SUPT3H: variants seen among roughly 807,000 people sequenced by gnomAD.
SUPT3H encodes SPT3 homolog, SAGA and STAGA complex component, also known as transcription initiation protein SPT3 homolog.
SUPT3H carries 44 observed loss-of-function variants against 44.3 expected under a neutral mutation model. That is an observed-to-expected ratio of 0.99 (90% CI 0.78 to 1.28). The LOEUF (loss-of-function observed/expected upper bound fraction) is 1.28, where lower values mean the gene tolerates loss of function less well. Among genes scored for constraint, SUPT3H ranks in the 50% most tolerant of loss-of-function variants. The pLI, the probability that SUPT3H is intolerant of heterozygous loss-of-function variation, is 0.00. For missense variants in SUPT3H, 380 were observed against 387.1 expected, an observed-to-expected ratio of 0.98 and a Z score of 0.15; for synonymous variants, 124 against 125.6, an observed-to-expected ratio of 0.99 and a Z score of 0.09.
rs568632305 is a variant in SUPT3H at position 45,070,730 on chromosome 6, T to C, written c.186+35192A>G. ...AGCCTGGGTAATAAGAGCAAAACTC[T>C]GTCTCAAACAAAAAAAAAAAAAAAA... On this transcript the variant is annotated intron_variant, in intron 3 of 10. Transcript: ENST00000371459. 3.0e-4 allele frequency among the ~76,000 whole-genome samples: 33 copies of C among 109,818 alleles called. 1 individual carries two copies. Among genetic ancestry groups the C allele is most frequent in the African/African-American group, 1.1e-3 (28 of 26,628 alleles). 72.0% of individuals were successfully genotyped at this position (109,818 alleles called of 152,430 possible).
chr6:44,939,227 T>C (rs1257136100), intron 9 of SUPT3H, among the ~76,000 whole-genome samples: 1 of 152,150 alleles, frequency 6.6e-6, no homozygotes, highest in African/African-American at 2.4e-5. Flanking sequence ...CCTTTACTAC[T>C]GTGAGGTATA....
chr6:45,346,630 C>T (rs555034222), intron 2 of SUPT3H, among the ~76,000 whole-genome samples: 2 of 148,400 alleles, frequency 1.3e-5, no homozygotes, highest in South Asian at 2.1e-4. Context: ...TGCAGTGGTG[C>T]GATCTCGGCT....
intron 10 of SUPT3H, among the ~76,000 whole-genome samples, chr6:44,830,062 T>G (rs1768348819): frequency 6.6e-6 from 1 of 152,200 alleles, no homozygotes; most frequent in Admixed American, 6.5e-5. Flanking sequence ...AAGTGGTTAG[T>G]GATTCTATTT....
At chr6:45,005,238 A>G (rs1355890938) in intron 5 of SUPT3H, among the ~76,000 whole-genome samples, 1 of 152,212 alleles carries the variant, frequency 6.6e-6, no homozygotes, top group African/African-American at 2.4e-5. Flanking sequence ...TAATGAATCT[A>G]AACATGTTTT....
intron 10 of SUPT3H, among the ~76,000 whole-genome samples, chr6:44,897,871 C>T (rs745631893): frequency 2.0e-5 from 3 of 152,196 alleles, no homozygotes; most frequent in South Asian, 2.1e-4. Context: ...CATCTACTAT[C>T]GTCCTGTCAA....
At chr6:45,029,688 A>G (rs1486174234) in intron 3 of SUPT3H, among the ~76,000 whole-genome samples, 1 of 152,216 alleles carries the variant, frequency 6.6e-6, no homozygotes, top group African/African-American at 2.4e-5. Flanking sequence ...GAAATTTTTA[A>G]AAGTTGAAAT....
chr6:44,969,500 G>C (rs1777255669), intron 6 of SUPT3H, among the ~76,000 whole-genome samples: 2 of 151,874 alleles, frequency 1.3e-5, no homozygotes, highest in South Asian at 4.2e-4. Flanking sequence ...TGACTTACAG[G>C]AAGTCATTAA....
At chr6:45,305,223 T>C (rs1432790318) in intron 2 of SUPT3H, among the ~76,000 whole-genome samples, 1 of 152,222 alleles carries the variant, frequency 6.6e-6, no homozygotes, top group African/African-American at 2.4e-5. Flanking sequence ...TGTTTCCATA[T>C]TACCGGAACA....
intron 2 of SUPT3H, among the ~76,000 whole-genome samples, chr6:45,297,491 A>T (rs982056237): frequency 6.6e-6 from 1 of 152,240 alleles, no homozygotes; most frequent in African/African-American, 2.4e-5. Flanking sequence ...TATTTTAAAC[A>T]CTAGGAGTCC....
At chr6:45,107,858 C>T (rs1562473892) in intron 2 of SUPT3H, among the ~76,000 whole-genome samples, 1 of 152,142 alleles carries the variant, frequency 6.6e-6, no homozygotes, top group Non-Finnish European at 1.5e-5. Context: ...AAATAAGTAT[C>T]TATTAACTAT....
intron 2 of SUPT3H, among the ~76,000 whole-genome samples, chr6:45,142,176 T>C (rs1270611715): frequency 1.3e-5 from 2 of 152,098 alleles, no homozygotes; most frequent in Non-Finnish European, 2.9e-5. Context: ...AAAGATAAAG[T>C]CTTTTTCAGG....
chr6:44,957,494 G>A (rs1775384496), intron 7 of SUPT3H, among the ~76,000 whole-genome samples: 1 of 152,072 alleles, frequency 6.6e-6, no homozygotes, highest in Non-Finnish European at 1.5e-5. Context: ...AATTTGGCAA[G>A]ATCAATGAGA....
intron 2 of SUPT3H, among the ~76,000 whole-genome samples, chr6:45,330,129 T>C (rs1428574313): frequency 2.0e-5 from 3 of 151,868 alleles, no homozygotes; most frequent in Non-Finnish European, 4.4e-5. Flanking sequence ...AAAAAAAATG[T>C]AAAATTGCTT....
rs1313047245 is a variant in SUPT3H at position 44,901,219 on chromosome 6, T to C, written c.912+31434A>G. 2.6e-5 allele frequency among the ~76,000 whole-genome samples: 4 copies of C among 151,952 alleles called. 1 individual carries two copies. The highest frequency in any genetic ancestry group is 4.1e-4 in the South Asian group (2 of 4,820). ...AGAAGAAGGCTTCAGACAATCAAAC[T>C]ACTCCGAGCTAAAGGAGGAAGTTCG... On this transcript the variant is annotated intron_variant, in intron 10 of 10. Coordinates refer to ENST00000371459, the MANE Select transcript of SUPT3H (RefSeq NM_003599.4).
In SUPT3H at chr6:44,902,155, T is replaced by C. The variant is rs953389882; in HGVS notation, c.912+30498A>G. On this transcript the variant is annotated intron_variant, in intron 10 of 10. Transcript: ENST00000371459. ...ACCAGCTAACATCATAATGACATGA[T>C]GAAATTCACACATAACAATATTAAC... Among the ~76,000 whole-genome samples, 189 of 152,284 alleles carry C rather than the reference T, an allele frequency of 1.2e-3. 2 individuals carry two copies. The highest frequency in any genetic ancestry group is 3.7e-4 in the Non-Finnish European group (25 of 68,018).
intron 6 of SUPT3H, among the ~76,000 whole-genome samples, chr6:44,981,194 A>G (rs1404712689): frequency 6.6e-6 from 1 of 152,230 alleles, no homozygotes; most frequent in Non-Finnish European, 1.5e-5. Flanking sequence ...TATGAGGGGT[A>G]AAGTGATTCC....
chr6:45,199,756 T>C (rs1762180297), intron 2 of SUPT3H, among the ~76,000 whole-genome samples: 1 of 151,460 alleles, frequency 6.6e-6, no homozygotes. Context: ...CTAAAAGGAA[T>C]ATGTTTCATC....
chr6:45,178,398 C>T (rs1272203124), intron 2 of SUPT3H, among the ~76,000 whole-genome samples: 4 of 151,966 alleles, frequency 2.6e-5, no homozygotes, highest in Non-Finnish European at 5.9e-5. Flanking sequence ...AATACAGGAC[C>T]ACCCAGATTC....
intron 10 of SUPT3H, among the ~76,000 whole-genome samples, chr6:44,902,543 A>T (rs1040681472): frequency 2.0e-5 from 3 of 152,150 alleles, no homozygotes; most frequent in East Asian, 1.9e-4. Flanking sequence ...AAGTCCTCAG[A>T]GACCTACAAA....
Sources: gnomAD v4.1 joint callset for allele counts (sites outside exome capture counted in the v4.1 genomes callset) on GRCh38, gnomAD v4.1.1 for gene constraint, MANE v1.5 for transcripts, NCBI Gene and HGNC (gene_info 2026-07-23, HGNC 2026-07-21) for gene names.